PRMT8: variants seen among roughly 807,000 people sequenced by gnomAD.
PRMT8 encodes the protein protein arginine N-methyltransferase 8.
Under a neutral mutation model 47.1 loss-of-function variants are expected in PRMT8, and 7 were observed. The observed-to-expected ratio is 0.15, with a 90% confidence interval of 0.08 to 0.28. The LOEUF (loss-of-function observed/expected upper bound fraction) is 0.28. PRMT8 is among the 10% of genes least tolerant of loss of function. The probability of loss-of-function intolerance (pLI) is 1.00; values close to 1 mark genes in which losing one functional copy is unlikely to be tolerated. For missense variants in PRMT8, 237 were observed against 505.4 expected (o/e 0.47, Z 5.09); for synonymous variants, 188 against 186.5 (o/e 1.01, Z -0.07).
At chr12:3,473,891 T>A (rs377671829) in intron 1 of PRMT8, among the ~76,000 whole-genome samples, 3 of 152,130 alleles carry the variant, frequency 2.0e-5, no homozygotes, top group Admixed American at 1.3e-4. Flanking sequence ...CATCCTTGTG[T>A]CATTGTCCCG....
At chr12:3,509,244 T>A (rs1183214504) in intron 1 of PRMT8, among the ~76,000 whole-genome samples, 3 of 152,038 alleles carry the variant, frequency 2.0e-5, no homozygotes, top group African/African-American at 7.2e-5. Flanking sequence ...TCCTCTTCCA[T>A]CCCCATTTCT....
chr12:3,563,432 C>G (rs1184486392), intron 4 of PRMT8, among the ~76,000 whole-genome samples: 1 of 151,872 alleles, frequency 6.6e-6, no homozygotes, highest in Non-Finnish European at 1.5e-5. Flanking sequence ...TTCATGACAC[C>G]GGGGGCTCCC....
rs1865504261 is a variant in PRMT8, at chr12:3,496,212, ATATTTTTTTTTTTT to A, written c.75+4514_75+4527del. On this transcript the variant is annotated intron_variant, in intron 1 of 9. Coordinates refer to ENST00000382622, the MANE Select transcript of PRMT8 (RefSeq NM_019854.5). ...ACTTTGGAAACTGATATATATATAT[ATATTTTTTTTTTTT>A]TTTTTTTTTTTTTTGAATGTTCTGT... is the stretch of plus-strand genomic sequence containing the variant. Among the ~76,000 whole-genome samples the A allele has an allele frequency of 2.1e-4, 4 of 19,398 alleles. 1 individual carries two copies. The East Asian group carries it at 6.0e-3, about 29-fold the overall frequency. 12.7% of individuals were successfully genotyped at this position (19,398 alleles called of 152,430 possible). A position where few individuals can be genotyped will look rare whatever the true frequency, so the allele number is the denominator to read the frequency against.
At chr12:3,437,645 T>TATATATAC (rs1555079689) in intron 1 of PRMT8, among the ~76,000 whole-genome samples, 2 of 140,706 alleles carry the variant, frequency 1.4e-5, no homozygotes, top group African/African-American at 5.3e-5. Flanking sequence ...TATATATATA[T>TATATATAC]ATATATTGCA....
intron 3 of PRMT8, chr12:3,551,481 C>T (rs567229753): frequency 1.3e-5 from 2 of 152,478 alleles, no homozygotes; most frequent in East Asian, 3.9e-4. Context: ...TGCTTTCTTT[C>T]CCAGCACCGA....
At chr12:3,577,142 C>A (rs1202814675) in intron 7 of PRMT8, among the ~76,000 whole-genome samples, 156 bp downstream of exon 7, 1 of 152,202 alleles carries the variant, frequency 6.6e-6, no homozygotes, top group Non-Finnish European at 1.5e-5. Context: ...AAGTCAAAAG[C>A]TGGCAGTCCG....
intron 1 of PRMT8, among the ~76,000 whole-genome samples, chr12:3,471,559 A>AC (rs1591560169): frequency 6.8e-6 from 1 of 147,824 alleles, no homozygotes; most frequent in African/African-American, 2.5e-5. Flanking sequence ...CTCCTCAGTC[A>AC]CCCCCCCTTG....
chr12:3,432,893 C>T (rs1864697795), intron 1 of PRMT8, among the ~76,000 whole-genome samples: 1 of 152,152 alleles, frequency 6.6e-6, no homozygotes, highest in Admixed American at 6.5e-5. Context: ...ATTGAATCAA[C>T]AGGTGAAAGG....
rs1425101865 is a variant in PRMT8 at position 3,569,932 on chromosome 12, C to G, written c.712+368C>G. On this transcript the variant is annotated intron_variant, in intron 6 of 9. Coordinates refer to ENST00000382622, the MANE Select transcript of PRMT8 (RefSeq NM_019854.5). This position sits in a 1 kb window ranked among gnomAD's most constrained non-coding sequence, Gnocchi z 8.2. ...TAGCCCAAAAGTCCACCGCAGGGGT[C>G]TGAAGTAGCAGGTCTCTTGCCAGGC... is the stretch of plus-strand genomic sequence containing the variant. Among the ~76,000 whole-genome samples, 1 of 152,218 alleles carries G rather than the reference C, an allele frequency of 6.6e-6. No homozygotes were observed. The highest frequency in any genetic ancestry group is 1.5e-5 in the Non-Finnish European group (1 of 68,036).
chr12:3,540,961 C>T (rs1024422256), intron 2 of PRMT8, among the ~76,000 whole-genome samples, 170 bp downstream of exon 2: 1 of 152,162 alleles, frequency 6.6e-6, no homozygotes. Context: ...TGGGAGGGGG[C>T]CAGGCCAGGC....
intron 1 of PRMT8, among the ~76,000 whole-genome samples, chr12:3,469,499 C>T (rs1865137649): frequency 6.6e-6 from 1 of 152,106 alleles, no homozygotes; most frequent in Non-Finnish European, 1.5e-5. Context: ...ATTCCATTTC[C>T]ATGAAAATGT....
intron 2 of PRMT8, among the ~76,000 whole-genome samples, chr12:3,545,218 C>T (rs1866306946): frequency 6.6e-6 from 1 of 152,188 alleles, no homozygotes; most frequent in South Asian, 2.1e-4. Context: ...GGTCAGAGAG[C>T]TCACAAACAG....
chr12:3,395,330 C>A (rs1420597331), intron 1 of PRMT8, among the ~76,000 whole-genome samples: 1 of 150,104 alleles, frequency 6.7e-6, no homozygotes, highest in Non-Finnish European at 1.5e-5. Context: ...ATCTTTCCTG[C>A]TTTCTCTTGT....
chr12:3,437,796 A>G (rs79354116), intron 1 of PRMT8, among the ~76,000 whole-genome samples: 2,409 of 152,074 alleles, frequency 0.016, 39 homozygotes, highest in Middle Eastern at 0.021. Flanking sequence ...CAAGGCCTTC[A>G]ACTGCAAAAT....
rs371091357 is a variant in PRMT8, at chr12:3,393,227, G to A, written c.48+11785G>A. On this transcript the variant is annotated intron_variant, in intron 1 of 9. Transcript: ENST00000452611. ...AAGCTCTTTAGTTTAATTAGATCCC[G>A]TTTGTCAATTTTGGCTTTTGTTGCC... Among the ~76,000 whole-genome samples the A allele has an allele frequency of 7.9e-3, 1,200 of 151,424 alleles. 14 individuals are homozygous for A. Among genetic ancestry groups the A allele is most frequent in the African/African-American group, 0.025 (1,053 of 41,350 alleles).
chr12:3,517,035 A>T (rs1865803653), intron 1 of PRMT8, among the ~76,000 whole-genome samples: 1 of 152,156 alleles, frequency 6.6e-6, no homozygotes, highest in African/African-American at 2.4e-5. Flanking sequence ...CAACAAAAAC[A>T]AAACAATAAA....
intron 1 of PRMT8, among the ~76,000 whole-genome samples, chr12:3,494,385 C>T (rs892642537): frequency 6.6e-6 from 1 of 152,154 alleles, no homozygotes; most frequent in Non-Finnish European, 1.5e-5. Flanking sequence ...TTTCTTATAC[C>T]CATTTTATAG....
At chr12:3,560,948 G>T (rs987348116) in intron 4 of PRMT8, among the ~76,000 whole-genome samples, 2 of 152,302 alleles carry the variant, frequency 1.3e-5, no homozygotes, top group African/African-American at 4.8e-5. Flanking sequence ...TACAGTAGGT[G>T]CTCAAATGTC....
chr12:3,549,511 A>T lies in PRMT8; in HGVS notation c.262-425A>T, dbSNP rs57972403. Among the ~76,000 whole-genome samples, 409 of 107,102 alleles carry T rather than the reference A, an allele frequency of 3.8e-3. 2 individuals carry two copies. The highest frequency in any genetic ancestry group is 0.011 in the African/African-American group (300 of 28,270). 70.3% of individuals were successfully genotyped at this position (107,102 alleles called of 152,430 possible). The stretch of plus-strand genomic sequence containing the variant: ...CATTTTCTAGTCTTTTTTTTTTTTT[A>T]AAAAAAAGGCAAACAAAACAAAATA... On this transcript the variant is annotated intron_variant, in intron 2 of 9. Coordinates refer to ENST00000382622, the MANE Select transcript of PRMT8 (RefSeq NM_019854.5).
Sources: gnomAD v4.1 joint callset for allele counts (sites outside exome capture counted in the v4.1 genomes callset) on GRCh38, gnomAD v4.1.1 for gene constraint, Gnocchi (gnomAD v3.1) non-coding constraint, MANE v1.5 for transcripts, NCBI Gene and HGNC (gene_info 2026-07-23, HGNC 2026-07-21) for gene names.